ZC3H8: variants seen among roughly 807,000 people sequenced by gnomAD.
The protein encoded by ZC3H8 is zinc finger CCCH domain-containing protein 8.
Under a neutral mutation model 42.5 loss-of-function variants are expected in ZC3H8, and 27 were observed. The ratio of observed to expected loss-of-function variants is 0.64; its 90% CI spans 0.47 to 0.88. The LOEUF (loss-of-function observed/expected upper bound fraction) is 0.88, where lower values mean the gene tolerates loss of function less well. Ranked by LOEUF, ZC3H8 falls within the 40% of genes least tolerant of loss-of-function variation. The pLI is 0.00. For missense variants in ZC3H8, 277 were observed against 336.1 expected (o/e 0.82, Z 1.37); for synonymous variants, 101 against 110.1 (o/e 0.92, Z 0.52).
intron 2 of ZC3H8, among the ~76,000 whole-genome samples, chr2:112,244,778 G>A (rs939002288): frequency 2.0e-5 from 3 of 152,140 alleles, no homozygotes; most frequent in Non-Finnish European, 4.4e-5. Context: ...ATAAGATGGC[G>A]AACTTAATCG....
intron 2 of ZC3H8, among the ~76,000 whole-genome samples, chr2:112,239,617 C>T (rs1005236633): frequency 5.7e-5 from 7 of 122,388 alleles, no homozygotes; most frequent in Non-Finnish European, 6.7e-5. Flanking sequence ...TGGATTCTCA[C>T]TCTATTGCCC....
rs561891174 is a variant in ZC3H8, at chr2:112,220,052, G to A, written c.*16-3584C>T. Among the ~76,000 whole-genome samples the A allele has an allele frequency of 5.9e-5, 9 of 152,326 alleles. No individual in the cohort carries two copies. In the South Asian group the frequency reaches 1.7e-3, roughly 28 times the overall value. ...TGAGCCTAAGGGCGTCATTGCATGT[G>A]AGATGATCCTCCTGAAGACAGCATA... is the stretch of plus-strand genomic sequence containing the variant. On this transcript the variant is annotated intron_variant, in intron 8 of 8. Transcript: ENST00000409573.
rs1684247039 is a variant in ZC3H8 at position 112,214,300 on chromosome 2, T to C, written c.*2184A>G. 1 of 152,120 alleles carries C rather than the reference T, an allele frequency of 6.6e-6. No individual in the cohort carries two copies. Among genetic ancestry groups the C allele is most frequent in the Non-Finnish European group, 1.5e-5 (1 of 68,044 alleles). The allele number at this position is 152,120 out of a possible 1,614,324, so 9.4% of individuals were successfully genotyped here. A position where few individuals can be genotyped will look rare whatever the true frequency, so the allele number is the denominator to read the frequency against. ...ATTTTGCCTCCTGCTTCCTTTCTGGTATTGAGAGGTAAGTAGTTGATCACT... is the reference window on the plus strand; with the variant it reads ...ATTTTGCCTCCTGCTTCCTTTCTGGCATTGAGAGGTAAGTAGTTGATCACT... On this transcript the variant is annotated 3_prime_UTR_variant, in exon 9 of 9. Coordinates refer to ENST00000409573, the MANE Select transcript of ZC3H8 (RefSeq NM_032494.3).
intron 1 of ZC3H8, among the ~76,000 whole-genome samples, chr2:112,253,538 A>G (rs1385603747): frequency 2.0e-5 from 3 of 152,242 alleles, no homozygotes; most frequent in Non-Finnish European, 4.4e-5. Context: ...TTGGGAGTAA[A>G]GTATTCGCAG....
chr2:112,254,970 C>T lies in ZC3H8; in HGVS notation c.12G>A (p.Glu4=), dbSNP rs1386277003. Residue 4 remains glutamate, a synonymous_variant, in exon 1 of 9, where the codon GAG becomes GAA. Coordinates refer to ENST00000409573, the MANE Select transcript of ZC3H8 (RefSeq NM_032494.3). MDF[E]NLFSKPPNPA... The stretch of plus-strand genomic sequence containing the variant: ...GGTTGGGGGGTTTTGAGAAAAGATT[C>T]TCAAAATCCATGACCCAGACAGGTC... The T allele has an allele frequency of 6.2e-7, 1 of 1,610,956 alleles. No homozygotes were observed. The highest frequency in any genetic ancestry group is 1.3e-5 in the African/African-American group (1 of 74,886).
chr2:112,240,157 T>C (rs1685520244), intron 2 of ZC3H8, among the ~76,000 whole-genome samples: 1 of 152,228 alleles, frequency 6.6e-6, no homozygotes, highest in Non-Finnish European at 1.5e-5. Context: ...CTTGTAAATG[T>C]AACTTCTGGA....
Position 112,234,230 on chromosome 2 carries a change from T to C in ZC3H8, c.511A>G (p.Lys171Glu), listed in dbSNP as rs1685218982. 3.1e-6 allele frequency: 5 copies of C among 1,593,626 alleles called. No homozygotes were observed. The highest frequency in any genetic ancestry group is 3.4e-6 in the Non-Finnish European group (4 of 1,172,596). Residue 171 changes from lysine (K) to glutamate (E), a missense_variant, in exon 5 of 9, where the codon AAA (lysine) becomes GAA (glutamate). Coordinates refer to ENST00000409573, the MANE Select transcript of ZC3H8 (RefSeq NM_032494.3). ...AAATGCTGCTGCTTCTCTTTAGGTT[T>C]ACCATCCTTTAAAAACAAAAACAAA... is the stretch of plus-strand genomic sequence containing the variant. ...RNSGSQEEDG[K>E]PKEKQQHLSQ... is the part of the protein sequence containing the mutation.
chr2:112,236,462 C>CA, intron 4 of ZC3H8, 100 bp downstream of exon 4: 1 of 1,475,912 alleles, frequency 6.8e-7, no homozygotes, highest in South Asian at 1.4e-5. Flanking sequence ...GGGATGCTTC[C>CA]ACCTCTCCAT....
intron 7 of ZC3H8, among the ~76,000 whole-genome samples, 181 bp downstream of exon 7, chr2:112,231,657 G>T (rs992550305): frequency 1.3e-5 from 2 of 152,040 alleles, no homozygotes; most frequent in African/African-American, 4.8e-5. Context: ...CTTCCTTTCA[G>T]CTACAAGGAA....
intron 2 of ZC3H8, among the ~76,000 whole-genome samples, chr2:112,241,198 C>A (rs1685571015): frequency 6.6e-6 from 1 of 152,070 alleles, no homozygotes; most frequent in Admixed American, 6.6e-5. Flanking sequence ...ACAACAAATT[C>A]TCTCTGCCCT....
intron 2 of ZC3H8, among the ~76,000 whole-genome samples, chr2:112,243,489 T>C (rs548389730): frequency 5.8e-4 from 89 of 152,344 alleles, no homozygotes; most frequent in African/African-American, 1.9e-3. Flanking sequence ...TAAAGTCTTA[T>C]TATATATCAG....
rs941565315 is a variant in ZC3H8 at position 112,218,024 on chromosome 2, C to T, written c.*16-1556G>A. Among the ~76,000 whole-genome samples the T allele has an allele frequency of 3.9e-5, 6 of 152,142 alleles. No homozygotes were observed. In the East Asian group the frequency reaches 1.2e-3, roughly 29 times the overall value. ...CTGCCTCCACCTCCACAGCAGCTGG[C>T]ATTACAGGCTCATACCAGCACACCC... On this transcript the variant is annotated intron_variant, in intron 8 of 8. Transcript: ENST00000409573.
chr2:112,220,210 T>C (rs941301217), intron 8 of ZC3H8, among the ~76,000 whole-genome samples: 2 of 152,212 alleles, frequency 1.3e-5, no homozygotes, highest in African/African-American at 4.8e-5. Context: ...CTGGTTATTA[T>C]GCAGACATGT....
intron 5 of ZC3H8, 44 bp downstream of exon 5, chr2:112,234,076 G>T: frequency 9.2e-7 from 1 of 1,081,798 alleles, no homozygotes; most frequent in Non-Finnish European, 1.3e-6. Flanking sequence ...AACAGAAAGA[G>T]CAGTTTTACA....
chr2:112,226,159 C>G (rs1684817545), intron 8 of ZC3H8, among the ~76,000 whole-genome samples: 1 of 149,736 alleles, frequency 6.7e-6, no homozygotes, highest in South Asian at 2.1e-4. Context: ...TTTACGCCAA[C>G]AAAGTAGACA....
Position 112,250,179 on chromosome 2 carries a change from A to G in ZC3H8, c.156+12T>C. 6.4e-7 allele frequency: 1 copy of G among 1,555,632 alleles called. No individual in the cohort carries two copies. Among genetic ancestry groups the G allele is most frequent in the Non-Finnish European group, 8.7e-7 (1 of 1,148,674 alleles). On this transcript the variant is annotated intron_variant, in intron 2 of 8. Transcript: ENST00000409573. ...GCGTTTTCAACTTAAACAGTGGTCA[A>G]CTTAATCTTACTTTTTTGGGAATTT... is the stretch of plus-strand genomic sequence containing the variant.
chr2:112,237,608 G>A (rs1041001678), intron 3 of ZC3H8, among the ~76,000 whole-genome samples: 7 of 150,280 alleles, frequency 4.7e-5, no homozygotes, highest in South Asian at 2.1e-4. Flanking sequence ...ACAGAGTCTC[G>A]CTCTGTTGTC....
intron 8 of ZC3H8, among the ~76,000 whole-genome samples, chr2:112,227,214 A>G (rs1052045197): frequency 3.3e-5 from 5 of 152,264 alleles, no homozygotes; most frequent in Non-Finnish European, 7.3e-5. Flanking sequence ...AGAAATAAAA[A>G]GCATTAGAAA....
chr2:112,215,258 A>C lies in ZC3H8; in HGVS notation c.*1226T>G, dbSNP rs556696874. 6.6e-6 allele frequency: 1 copy of C among 152,304 alleles called. No individual in the cohort carries two copies. Among genetic ancestry groups the C allele is most frequent in the African/African-American group, 2.4e-5 (1 of 41,578 alleles). The allele number at this position is 152,304 out of a possible 1,614,324, so 9.4% of individuals were successfully genotyped here. A position where few individuals can be genotyped will look rare whatever the true frequency, so the allele number is the denominator to read the frequency against. On this transcript the variant is annotated 3_prime_UTR_variant, in exon 9 of 9. Coordinates refer to ENST00000409573, the MANE Select transcript of ZC3H8 (RefSeq NM_032494.3). ...CTGTATAAGGTTGTTATGAGACTTAAATAAGAAGTGCCTTGCCCACCTCCC... is the reference window on the plus strand; with the variant it reads ...CTGTATAAGGTTGTTATGAGACTTACATAAGAAGTGCCTTGCCCACCTCCC...
Sources: allele counts gnomAD v4.1 joint callset (sites outside exome capture counted in the v4.1 genomes callset), GRCh38; gene constraint gnomAD v4.1.1; transcripts MANE v1.5; gene names NCBI Gene and HGNC (gene_info 2026-07-23, HGNC 2026-07-21).